The following ZFP64 variants were observed in gnomAD, a reference collection of about 807,000 sequenced individuals.
ZFP64 encodes the protein zinc finger protein 64.
ZFP64 carries 14 observed loss-of-function variants against 51.6 expected under a neutral mutation model. The ratio of observed to expected loss-of-function variants is 0.27; its 90% CI spans 0.18 to 0.42. ZFP64 has a LOEUF of 0.42. Ranked by LOEUF, ZFP64 falls within the 10% of genes least tolerant of loss-of-function variation. ZFP64 has a pLI of 1.00. For missense variants in ZFP64, 754 were observed against 906.8 expected (o/e 0.83, Z 2.16); for synonymous variants, 375 against 361.4 (o/e 1.04, Z -0.43).
chr20:52,130,171 T>C (rs1223444425), intron 5 of ZFP64, among the ~76,000 whole-genome samples: 1 of 152,114 alleles, frequency 6.6e-6, no homozygotes, highest in Non-Finnish European at 1.5e-5. Context: ...CCATGGCACT[T>C]ACCAGCTTCT....
Position 52,151,993 on chromosome 20 carries a change from C to A in ZFP64, c.*153G>T. 4.3e-6 allele frequency: 6 copies of A among 1,407,434 alleles called. No individual in the cohort carries two copies. The highest frequency in any genetic ancestry group is 4.6e-6 in the Non-Finnish European group (5 of 1,075,416). 87.2% of individuals were successfully genotyped at this position (1,407,434 alleles called of 1,614,324 possible). ...CGGACGTTGCAGTGAGCCAAGATAG[C>A]GCCACTGCACTCCAGCCTGGGAAAC... is the stretch of plus-strand genomic sequence containing the variant. On this transcript the variant is annotated 3_prime_UTR_variant, in exon 6 of 6. Coordinates refer to ENST00000216923, the MANE Select transcript of ZFP64 (RefSeq NM_018197.3).
chr20:52,145,658 A>G (rs946529766), intron 5 of ZFP64, among the ~76,000 whole-genome samples: 1 of 152,132 alleles, frequency 6.6e-6, no homozygotes, highest in African/African-American at 2.4e-5. Flanking sequence ...ACAAAACAAA[A>G]CAAAAGTACA....
At chr20:52,097,241 C>G in intron 7 of ZFP64, 2 of 1,096,494 alleles carry the variant, frequency 1.8e-6, no homozygotes, top group Non-Finnish European at 2.8e-6. Context: ...TCTCCCAAGC[C>G]CACCCCACTA....
chr20:52,146,044 T>C (rs1980507934), intron 5 of ZFP64, among the ~76,000 whole-genome samples: 1 of 152,164 alleles, frequency 6.6e-6, no homozygotes, highest in Non-Finnish European at 1.5e-5. Context: ...ATAAGCCTTT[T>C]CTATTTTATT....
intron 7 of ZFP64, among the ~76,000 whole-genome samples, chr20:52,095,823 G>T (rs6091440): frequency 1.3e-5 from 2 of 152,002 alleles, no homozygotes; most frequent in Admixed American, 6.5e-5. Context: ...TGAATTTTAA[G>T]ATTTTTGGCC....
chr20:52,187,490 T>C (rs1451979290), intron 1 of ZFP64, among the ~76,000 whole-genome samples: 1 of 151,884 alleles, frequency 6.6e-6, no homozygotes, highest in Non-Finnish European at 1.5e-5. Context: ...GGCATGGTGG[T>C]GTGTGCCTAT....
At chr20:52,113,483 A>G (rs1363060380) in intron 5 of ZFP64, among the ~76,000 whole-genome samples, 3 of 127,316 alleles carry the variant, frequency 2.4e-5, no homozygotes, top group Admixed American at 9.9e-5. Context: ...GCTAGGGTGC[A>G]GTGGCGCGAT....
rs550877112 is a variant in ZFP64, at chr20:52,191,108, C to T, written c.46+483G>A. Among the ~76,000 whole-genome samples the T allele has an allele frequency of 6.6e-6, 1 of 152,278 alleles. No individual in the cohort carries two copies. The highest frequency in any genetic ancestry group is 1.9e-4 in the East Asian group (1 of 5,174). On this transcript the variant is annotated intron_variant, in intron 1 of 5. Coordinates refer to ENST00000216923, the MANE Select transcript of ZFP64 (RefSeq NM_018197.3). The surrounding 1 kb of genome is among the most constrained non-coding windows in gnomAD (Gnocchi z 4.3). ...CCCGTTTTCCATTCAGATCTCCACC[C>T]TTAATGAGGAAAAGGCTTTGCAATG...
rs569712110 is a variant in ZFP64, at chr20:52,099,091, G to T, written c.764-504C>A. On this transcript the variant is annotated intron_variant, in intron 5 of 8. Coordinates refer to the ZFP64 transcript ENST00000361387. Reference sequence around the variant, plus strand: ...ACTACGGTTTCCAAGAAGTACAGGGGACAGGACACTGTCACATAACAGGGA... The same window carrying T: ...ACTACGGTTTCCAAGAAGTACAGGGTACAGGACACTGTCACATAACAGGGA... Among the ~76,000 whole-genome samples, 4 of 151,756 alleles carry T rather than the reference G, an allele frequency of 2.6e-5. No homozygotes were observed. In the South Asian group the frequency reaches 8.4e-4, roughly 32 times the overall value.
rs1418877339 is a variant in ZFP64 at position 52,152,906 on chromosome 20, A to G, written c.1286T>C (p.Ile429Thr). Residue 429 changes from isoleucine (I) to threonine (T), a missense_variant, in exon 6 of 6, where the codon ATA becomes ACA. By Grantham distance (89) the Ile-to-Thr change is moderately conservative (BLOSUM62 -1). Transcript: ENST00000216923. Reference sequence around the variant, plus strand: ...CTCCCGCATGAAGGAGGCATCGCATATATCGCAGTGGAAACTCTTCTTGGC... The same window carrying G: ...CTCCCGCATGAAGGAGGCATCGCATGTATCGCAGTGGAAACTCTTCTTGGC... ...LDAKKSFHCD[I>T]CDASFMREDS... 2.5e-6 allele frequency: 4 copies of G among 1,613,900 alleles called. No individual in the cohort carries two copies. The highest frequency in any genetic ancestry group is 2.7e-5 in the African/African-American group (2 of 74,934).
intron 5 of ZFP64, among the ~76,000 whole-genome samples, chr20:52,144,598 A>AAAAAAAAAAAAAAG: frequency 6.7e-6 from 1 of 149,104 alleles, no homozygotes; most frequent in Admixed American, 6.7e-5. Context: ...AAAAAAAAAA[A>AAAAAAAAAAAAAAG]AAAATGCTGA....
intron 4 of ZFP64, among the ~76,000 whole-genome samples, chr20:52,161,411 A>G (rs1981785242): frequency 6.7e-6 from 1 of 149,876 alleles, no homozygotes; most frequent in South Asian, 2.1e-4. Context: ...TCCTTGCAAC[A>G]GCTGGAATTA....
chr20:52,177,505 G>A (rs1166032634), intron 2 of ZFP64, among the ~76,000 whole-genome samples: 3 of 152,076 alleles, frequency 2.0e-5, no homozygotes, highest in Non-Finnish European at 2.9e-5. Context: ...CATTTAATTT[G>A]CTCCTTTCCC....
At chr20:52,084,748 C>G (rs2078845829) in exon 9 of ZFP64, 3 of 1,614,128 alleles carry the variant, frequency 1.9e-6, no homozygotes, top group Non-Finnish European at 2.5e-6. Flanking sequence ...CCGCAGGTCT[C>G]ACAGCGGAAG....
At chr20:52,177,923 T>A (rs1217208294) in intron 2 of ZFP64, among the ~76,000 whole-genome samples, 4 of 150,534 alleles carry the variant, frequency 2.7e-5, no homozygotes, top group East Asian at 3.9e-4. Flanking sequence ...TCCCAGCTAC[T>A]GAGGAGGCTG....
chr20:52,186,795 G>A (rs1983997068), intron 2 of ZFP64, 37 bp downstream of exon 2: 2 of 1,577,650 alleles, frequency 1.3e-6, no homozygotes, highest in Middle Eastern at 1.7e-4. Context: ...ACACAGCCAG[G>A]CCAATTCTGG....
rs575609101 is a variant in ZFP64 at position 52,114,920 on chromosome 20, G to A, written c.764-16333C>T. ...AGATCATGAAATACCAGGCCAGGCC[G>A]GGCACGGTGGCTCATGCCTGTAATC... On this transcript the variant is annotated intron_variant, in intron 5 of 8. Coordinates refer to the ZFP64 transcript ENST00000361387. Among the ~76,000 whole-genome samples, 25 of 152,222 alleles carry A rather than the reference G, an allele frequency of 1.6e-4. No homozygotes were observed. In the South Asian group the frequency reaches 4.1e-3, roughly 25 times the overall value.
intron 2 of ZFP64, among the ~76,000 whole-genome samples, chr20:52,176,505 C>CTTTT (rs557663780): frequency 4.4e-5 from 6 of 136,724 alleles, no homozygotes; most frequent in African/African-American, 8.3e-5. Flanking sequence ...TTCAATCTCT[C>CTTTT]TTTTTTTTTT....
intron 5 of ZFP64, among the ~76,000 whole-genome samples, chr20:52,105,815 G>A (rs1444908555): frequency 6.6e-6 from 1 of 151,928 alleles, no homozygotes; most frequent in Admixed American, 6.6e-5. Context: ...GGACTTAATT[G>A]GTCTGGGCTG....
Sources: allele counts gnomAD v4.1 joint callset (sites outside exome capture counted in the v4.1 genomes callset), GRCh38; gene constraint gnomAD v4.1.1; non-coding constraint Gnocchi (gnomAD v3.1); transcripts MANE v1.5; gene names NCBI Gene and HGNC (gene_info 2026-07-23, HGNC 2026-07-21).